Variants in TFEC observed in about 807,000 individuals in gnomAD.
TFEC encodes transcription factor EC.
Under a neutral mutation model 41.6 loss-of-function variants are expected in TFEC, and 31 were observed. That is an observed-to-expected ratio of 0.74 (90% CI 0.56 to 1.01). The LOEUF is 1.01. TFEC is among the 50% of genes least tolerant of loss of function. The probability of loss-of-function intolerance (pLI) is 0.00; values close to 1 mark genes in which losing one functional copy is unlikely to be tolerated. For missense variants in TFEC, 402 were observed against 404.1 expected (o/e 0.99, Z 0.04); for synonymous variants, 143 against 140.6 (o/e 1.02, Z -0.12).
At chr7:116,079,436 G>A (rs1428364032) in intron 3 of TFEC, among the ~76,000 whole-genome samples, 3 of 152,028 alleles carry the variant, frequency 2.0e-5, no homozygotes, top group Non-Finnish European at 4.4e-5. Flanking sequence ...AAACTCTAAA[G>A]ACTCATCCAA....
chr7:116,052,071 G>C (rs567768323), intron 3 of TFEC, among the ~76,000 whole-genome samples: 1 of 150,916 alleles, frequency 6.6e-6, no homozygotes, highest in Non-Finnish European at 1.5e-5. Flanking sequence ...GTGCCTACTA[G>C]ATATCCATCA....
chr7:116,147,511 C>T (rs1227344069), intron 1 of TFEC, among the ~76,000 whole-genome samples: 1 of 151,706 alleles, frequency 6.6e-6, no homozygotes, highest in Admixed American at 6.6e-5. Flanking sequence ...CCCATTAACT[C>T]GTCATTTACA....
intron 1 of TFEC, among the ~76,000 whole-genome samples, chr7:116,020,971 T>G (rs933531694): frequency 6.3e-4 from 96 of 152,316 alleles, no homozygotes; most frequent in African/African-American, 2.3e-3. Flanking sequence ...AAAATGTGCT[T>G]ACAACAGACA....
chr7:116,072,721 C>T (rs1344274914), intron 3 of TFEC, among the ~76,000 whole-genome samples: 2 of 151,554 alleles, frequency 1.3e-5, no homozygotes, highest in Non-Finnish European at 3.0e-5. Flanking sequence ...ACCACATGAA[C>T]ATCTCAATAG....
chr7:116,142,655 A>C (rs76706831), intron 1 of TFEC, among the ~76,000 whole-genome samples: 1 of 152,122 alleles, frequency 6.6e-6, no homozygotes, highest in African/African-American at 2.4e-5. Flanking sequence ...ATGTGCCCAG[A>C]GGGTCAAAGA....
chr7:115,993,389 T>C (rs1794214304), intron 1 of TFEC, among the ~76,000 whole-genome samples: 1 of 152,172 alleles, frequency 6.6e-6, no homozygotes, highest in South Asian at 2.1e-4. Context: ...ATAAAGGGTA[T>C]TCAATTAGGA....
intron 1 of TFEC, among the ~76,000 whole-genome samples, chr7:116,129,033 A>G (rs1798274188): frequency 6.6e-6 from 1 of 152,202 alleles, no homozygotes; most frequent in Admixed American, 6.5e-5. Flanking sequence ...ACCAAAGTCC[A>G]GACATGTACT....
intron 1 of TFEC, among the ~76,000 whole-genome samples, chr7:116,154,741 C>CT (rs1798832506): frequency 1.3e-5 from 2 of 152,200 alleles, no homozygotes; most frequent in South Asian, 4.1e-4. Context: ...CCTGCAAACT[C>CT]TATCTTCTAG....
rs921082934 is a variant in TFEC at position 116,005,358 on chromosome 7, T to C, written c.-72-20845A>G. 5.9e-5 allele frequency among the ~76,000 whole-genome samples: 9 copies of C among 152,128 alleles called. No individual in the cohort carries two copies. In the East Asian group the frequency reaches 1.7e-3, roughly 29 times the overall value. ...GCTTTGATGAAAAGCCTGAGAATGA[T>C]ATGAACAATAAGGTCCAGGATGAGG... On this transcript the variant is annotated intron_variant, in intron 1 of 7. Transcript: ENST00000265440.
chr7:115,941,634 C>A, intron 7 of TFEC: 1 of 427,864 alleles, frequency 2.3e-6, no homozygotes, highest in East Asian at 3.4e-5. Flanking sequence ...TATACATGCA[C>A]ACATACACAC....
chr7:116,100,614 G>A (rs770600230), intron 3 of TFEC, among the ~76,000 whole-genome samples: 1 of 152,038 alleles, frequency 6.6e-6, no homozygotes, highest in South Asian at 2.1e-4. Context: ...AAAGCATCTG[G>A]TATTGGATGC....
intron 3 of TFEC, among the ~76,000 whole-genome samples, chr7:115,962,162 A>G (rs184173006): frequency 2.7e-3 from 417 of 151,912 alleles, no homozygotes; most frequent in South Asian, 6.2e-3. Context: ...TATACACTGA[A>G]AACTAAAAAA....
intron 1 of TFEC, among the ~76,000 whole-genome samples, chr7:115,995,965 A>C (rs1584663642): frequency 6.6e-6 from 1 of 152,180 alleles, no homozygotes; most frequent in African/African-American, 2.4e-5. Context: ...CCATGGGTAA[A>C]GCTCTCTGGG....
intron 1 of TFEC, among the ~76,000 whole-genome samples, chr7:116,026,432 C>T (rs1795588454): frequency 1.3e-5 from 2 of 152,222 alleles, no homozygotes; most frequent in Non-Finnish European, 2.9e-5. Flanking sequence ...TGCTCACTGG[C>T]AGGTAGCATA....
At chr7:116,147,316 TCAAAGA>T (rs1216446291) in intron 1 of TFEC, among the ~76,000 whole-genome samples, 2 of 152,084 alleles carry the variant, frequency 1.3e-5, no homozygotes, top group Admixed American at 6.6e-5. Flanking sequence ...GTGCAGAATA[TCAAAGA>T]CAAAGAGTTC....
chr7:115,968,019 T>C (rs1011491102), intron 3 of TFEC, among the ~76,000 whole-genome samples: 4 of 151,794 alleles, frequency 2.6e-5, no homozygotes, highest in African/African-American at 7.3e-5. Context: ...AAAATAATCT[T>C]GTAAGTAAGC....
rs184054069 is a variant in TFEC at position 115,996,464 on chromosome 7, T to G, written c.-72-11951A>C. Among the ~76,000 whole-genome samples, 70 of 152,140 alleles carry G rather than the reference T, an allele frequency of 4.6e-4. 1 individual carries two copies. Among genetic ancestry groups the G allele is most frequent in the Middle Eastern group, 3.4e-3 (1 of 292 alleles). On this transcript the variant is annotated intron_variant, in intron 1 of 7. Transcript: ENST00000265440. ...ACTTGTGATGGGCCTTGAGTGAGAC[T>G]CAGAGACATGCTGGCTTAGATGTGA...
chr7:116,143,877 A>C (rs568699745), intron 1 of TFEC, among the ~76,000 whole-genome samples: 1 of 152,286 alleles, frequency 6.6e-6, no homozygotes, highest in East Asian at 1.9e-4. Flanking sequence ...TCATTTTCCT[A>C]GGTTTTTATA....
chr7:116,041,109 A>G (rs1296201286), intron 3 of TFEC, among the ~76,000 whole-genome samples: 1 of 152,184 alleles, frequency 6.6e-6, no homozygotes, highest in Non-Finnish European at 1.5e-5. Flanking sequence ...ACTATTTCCC[A>G]CAGTGTAAAT....
Sources: allele counts gnomAD v4.1 joint callset (sites outside exome capture counted in the v4.1 genomes callset), GRCh38; gene constraint gnomAD v4.1.1; transcripts MANE v1.5; gene names NCBI Gene and HGNC (gene_info 2026-07-23, HGNC 2026-07-21).